Variants in SNX29 observed in about 807,000 individuals in gnomAD.
The protein encoded by SNX29 is sorting nexin 29, also known as sorting nexin-29.
Under a neutral mutation model 102.1 loss-of-function variants are expected in SNX29, and 78 were observed. That is an observed-to-expected ratio of 0.76 (90% CI 0.64 to 0.92). The LOEUF (loss-of-function observed/expected upper bound fraction) is 0.92, where lower values mean the gene tolerates loss of function less well. Among genes scored for constraint, SNX29 ranks in the 40% least tolerant of loss-of-function variants. SNX29 has a pLI of 0.00. For missense variants in SNX29, 1,280 were observed against 1,061.7 expected, an observed-to-expected ratio of 1.21 and a Z score of -2.86; for synonymous variants, 580 against 414.5, an observed-to-expected ratio of 1.40 and a Z score of -4.85.
intron 11 of SNX29, among the ~76,000 whole-genome samples, chr16:12,090,820 G>A (rs979155162): frequency 7.9e-5 from 12 of 151,958 alleles, no homozygotes; most frequent in Non-Finnish European, 1.6e-4. Context: ...TTCAAGACCA[G>A]CCTGGCCAAC....
chr16:12,029,066 A>G (rs559509257), intron 4 of SNX29, among the ~76,000 whole-genome samples: 2 of 150,384 alleles, frequency 1.3e-5, no homozygotes, highest in African/African-American at 4.9e-5. Flanking sequence ...TGATATTTTG[A>G]TACATGCCTA....
chr16:12,164,731 A>G (rs1223579531), intron 13 of SNX29, among the ~76,000 whole-genome samples: 1 of 124,242 alleles, frequency 8.0e-6, no homozygotes, highest in African/African-American at 3.3e-5. Context: ...CTTGTTGTCC[A>G]GGCTGGAGTG....
intron 17 of SNX29, among the ~76,000 whole-genome samples, chr16:12,400,900 G>A (rs955646622): frequency 2.0e-5 from 3 of 152,172 alleles, no homozygotes; most frequent in African/African-American, 7.2e-5. Flanking sequence ...TCTGCTCACT[G>A]CAAGCTCCGC....
intron 15 of SNX29, among the ~76,000 whole-genome samples, chr16:12,309,916 G>A (rs996966178): frequency 3.3e-5 from 5 of 152,184 alleles, no homozygotes; most frequent in Non-Finnish European, 5.9e-5. Flanking sequence ...GTTCCAGCTT[G>A]GTGCGAGTTT....
At chr16:12,462,213 C>G (rs1014937340) in intron 18 of SNX29, among the ~76,000 whole-genome samples, 10 of 151,568 alleles carry the variant, frequency 6.6e-5, no homozygotes, top group Non-Finnish European at 1.3e-4. Context: ...GGGCTGGACC[C>G]TGCTTCCATG....
intron 20 of SNX29, among the ~76,000 whole-genome samples, chr16:12,567,268 C>G (rs181428035): frequency 1.3e-5 from 2 of 152,176 alleles, no homozygotes; most frequent in African/African-American, 4.8e-5. Context: ...CTTGTAGGGT[C>G]CAGTGGATCC....
intron 19 of SNX29, among the ~76,000 whole-genome samples, chr16:12,522,895 C>G (rs1014896282): frequency 6.6e-6 from 1 of 152,340 alleles, no homozygotes; most frequent in East Asian, 1.9e-4. Flanking sequence ...ACCGTGCACT[C>G]TACCTCTCGG....
intron 20 of SNX29, among the ~76,000 whole-genome samples, chr16:12,565,764 C>G (rs1026750413): frequency 1.3e-5 from 2 of 152,192 alleles, no homozygotes; most frequent in Admixed American, 6.5e-5. Context: ...CCACCTTCAC[C>G]TTTTTTCATT....
intron 15 of SNX29, among the ~76,000 whole-genome samples, chr16:12,310,176 C>T (rs944074645): frequency 6.6e-6 from 1 of 152,136 alleles, no homozygotes; most frequent in East Asian, 1.9e-4. Flanking sequence ...TACCGCTGCA[C>T]CAGCTAAAGT....
At chr16:11,976,904 C>T in intron 1 of SNX29, 91 bp downstream of exon 1, 2 of 1,282,544 alleles carry the variant, frequency 1.6e-6, no homozygotes, top group South Asian at 2.3e-5. Context: ...TCCTCGCGCC[C>T]CGCTCCCTCG....
At chr16:12,554,887 C>T (rs1373934568) in intron 20 of SNX29, among the ~76,000 whole-genome samples, 3 of 152,062 alleles carry the variant, frequency 2.0e-5, no homozygotes, top group Non-Finnish European at 4.4e-5. Context: ...GTCAGCATGC[C>T]ATACAGGACA....
rs375010261 is a variant in SNX29 at position 12,543,643 on chromosome 16, G to A, written c.2318+18802G>A. On this transcript the variant is annotated intron_variant, in intron 20 of 20. Transcript: ENST00000566228. Reference sequence around the variant, plus strand: ...GCCCCAGTGCTCCGCAGCTGGTGCCGTCTGTCTCCAGACGCTCTTCCAGCC... The same window carrying A: ...GCCCCAGTGCTCCGCAGCTGGTGCCATCTGTCTCCAGACGCTCTTCCAGCC... Among the ~76,000 whole-genome samples the A allele has an allele frequency of 6.6e-4, 100 of 151,974 alleles. No individual in the cohort carries two copies. The South Asian group carries it at 0.017, about 25-fold the overall frequency.
intron 20 of SNX29, among the ~76,000 whole-genome samples, chr16:12,554,040 G>A (rs560680814): frequency 4.6e-5 from 7 of 152,302 alleles, no homozygotes; most frequent in African/African-American, 1.7e-4. Context: ...TGCCCAGGCT[G>A]GTCTGTAAAT....
At chr16:12,393,523 A>T (rs1354113027) in intron 16 of SNX29, among the ~76,000 whole-genome samples, 1 of 149,844 alleles carries the variant, frequency 6.7e-6, no homozygotes, top group Non-Finnish European at 1.5e-5. Context: ...GCACATATAG[A>T]GCTCTCTGAG....
chr16:12,148,491 T>G (rs1391179853), intron 13 of SNX29, among the ~76,000 whole-genome samples: 1 of 152,232 alleles, frequency 6.6e-6, no homozygotes, highest in African/African-American at 2.4e-5. Flanking sequence ...CTTGTTTTTC[T>G]TGTTTTTCAC....
At chr16:12,185,248 G>C (rs1039977341) in intron 13 of SNX29, among the ~76,000 whole-genome samples, 3 of 152,196 alleles carry the variant, frequency 2.0e-5, no homozygotes, top group Non-Finnish European at 4.4e-5. Flanking sequence ...AGACTAGGGA[G>C]TGGGGAGGGA....
chr16:12,036,150 C>T (rs113216547), intron 4 of SNX29, among the ~76,000 whole-genome samples: 1 of 152,096 alleles, frequency 6.6e-6, no homozygotes, highest in Non-Finnish European at 1.5e-5. Flanking sequence ...TCATAGCTCA[C>T]TACAGCCTCA....
chr16:12,032,911 G>A (rs962396259), intron 4 of SNX29, among the ~76,000 whole-genome samples: 4 of 152,046 alleles, frequency 2.6e-5, no homozygotes, highest in African/African-American at 9.7e-5. Flanking sequence ...CACCCAGGCT[G>A]GAGTGTGATC....
chr16:12,015,342 G>C (rs575825562), intron 3 of SNX29, among the ~76,000 whole-genome samples: 1 of 152,196 alleles, frequency 6.6e-6, no homozygotes. Flanking sequence ...TCTGGTTCAA[G>C]TGATTCTCCT....
Sources: gnomAD v4.1 joint callset for allele counts (sites outside exome capture counted in the v4.1 genomes callset) on GRCh38, gnomAD v4.1.1 for gene constraint, MANE v1.5 for transcripts, NCBI Gene and HGNC (gene_info 2026-07-23, HGNC 2026-07-21) for gene names.